The following FCRL1 variants were observed in gnomAD, a reference collection of about 807,000 sequenced individuals.
The protein encoded by FCRL1 is Fc receptor like 1.
A neutral mutation model predicts 49.2 loss-of-function variants in FCRL1; 34 were observed. That is an observed-to-expected ratio of 0.69 (90% confidence interval 0.53 to 0.92). FCRL1 has a LOEUF of 0.92. FCRL1 is among the 40% of genes least tolerant of loss of function. FCRL1 has a pLI of 0.00. For synonymous variants in FCRL1, 218 were observed against 201.6 expected, an observed-to-expected ratio of 1.08 and a Z score of -0.69; for missense variants, 524 against 524.1, an observed-to-expected ratio of 1.00 and a Z score of 0.00.
intron 2 of FCRL1, among the ~76,000 whole-genome samples, chr1:157,804,922 C>T (rs1442870676): frequency 1.3e-5 from 2 of 150,864 alleles, no homozygotes; most frequent in East Asian, 1.9e-4. Context: ...TTCAGTGATG[C>T]GATCTCAGCT....
intron 2 of FCRL1, 144 bp from the exon 3 acceptor site, chr1:157,804,255 C>G (rs945035787): frequency 4.7e-5 from 44 of 934,562 alleles, no homozygotes; most frequent in Middle Eastern, 3.5e-4. Context: ...CACCCCCCCC[C>G]CAGTGGCCCA....
In FCRL1 at chr1:157,799,299, C is replaced by T. The variant is rs117284348; in HGVS notation, c.1031+759G>A. The stretch of plus-strand genomic sequence containing the variant: ...ACAGGTGCGAGCCACTGTGCCCAGC[C>T]GCAATGTGATTTTAATATTCTGCAG... On this transcript the variant is annotated intron_variant, in intron 7 of 10. Coordinates refer to ENST00000368176, the MANE Select transcript of FCRL1 (RefSeq NM_052938.5). Among the ~76,000 whole-genome samples, 23 of 152,194 alleles carry T rather than the reference C, an allele frequency of 1.5e-4. No individual in the cohort carries two copies. The East Asian group carries it at 1.5e-3, about 10-fold the overall frequency.
chr1:157,798,570 T>C (rs1651920708), intron 7 of FCRL1, among the ~76,000 whole-genome samples: 6 of 152,126 alleles, frequency 3.9e-5, no homozygotes, highest in Admixed American at 3.9e-4. Flanking sequence ...GAAAACACTT[T>C]GCTGGGCAGA....
chr1:157,818,184 G>T (rs1222267761), intron 1 of FCRL1, among the ~76,000 whole-genome samples: 1 of 152,066 alleles, frequency 6.6e-6, no homozygotes, highest in Non-Finnish European at 1.5e-5. Flanking sequence ...AAAGCAGTGT[G>T]TTAAAGAGAT....
Position 157,809,819 on chromosome 1 carries a change from G to A in FCRL1, c.32-2697C>T, listed in dbSNP as rs561620207. 3.9e-5 allele frequency among the ~76,000 whole-genome samples: 6 copies of A among 152,236 alleles called. No homozygotes were observed. The South Asian group carries it at 1.2e-3, about 32-fold the overall frequency. ...TGTGTCTCTGGTTCCAGCTACTCAG[G>A]GAGCTGAGGCAGGTGCATCACTTGA... is the stretch of plus-strand genomic sequence containing the variant. On this transcript the variant is annotated intron_variant, in intron 1 of 10. Transcript: ENST00000368176.
chr1:157,808,758 A>G (rs1011283149), intron 1 of FCRL1, among the ~76,000 whole-genome samples: 2 of 152,240 alleles, frequency 1.3e-5, no homozygotes, highest in Non-Finnish European at 2.9e-5. Flanking sequence ...GAGTAAAGAT[A>G]GTGGCTAAGA....
intron 1 of FCRL1, among the ~76,000 whole-genome samples, chr1:157,807,863 G>A (rs1396002283): frequency 6.6e-6 from 1 of 152,164 alleles, no homozygotes; most frequent in African/African-American, 2.4e-5. Flanking sequence ...ACCTCTCTGT[G>A]CTTTAGTTTC....
At chr1:157,807,935 G>A (rs1653727789) in intron 1 of FCRL1, among the ~76,000 whole-genome samples, 1 of 152,156 alleles carries the variant, frequency 6.6e-6, no homozygotes, top group Admixed American at 6.5e-5. Context: ...GAAGATTAAG[G>A]AGCTTAGACT....
chr1:157,798,020 A>G, intron 8 of FCRL1, 81 bp from the exon 9 acceptor site: 2 of 1,531,356 alleles, frequency 1.3e-6, no homozygotes, highest in Non-Finnish European at 1.8e-6. Context: ...CACCTGTCAC[A>G]GCCATGAAGA....
At chr1:157,818,732 G>T (rs1387361669) in intron 1 of FCRL1, among the ~76,000 whole-genome samples, 3 of 152,114 alleles carry the variant, frequency 2.0e-5, no homozygotes. Flanking sequence ...TTCTGAAATT[G>T]ATTGTGGTGA....
intron 1 of FCRL1, among the ~76,000 whole-genome samples, chr1:157,812,258 G>A (rs906192235): frequency 6.6e-6 from 1 of 152,166 alleles, no homozygotes; most frequent in Non-Finnish European, 1.5e-5. Flanking sequence ...TCCTTGGTGT[G>A]ATGGTGTGAT....
chr1:157,800,769 A>G (rs1652312691), intron 6 of FCRL1, among the ~76,000 whole-genome samples: 1 of 152,204 alleles, frequency 6.6e-6, no homozygotes, highest in Non-Finnish European at 1.5e-5. Flanking sequence ...AAGAAAAAGC[A>G]TGTCACAATA....
chr1:157,800,103 G>A lies in FCRL1; in HGVS notation c.1004-18C>T, dbSNP rs375143621. The A allele has an allele frequency of 9.9e-6, 16 of 1,612,354 alleles. No individual in the cohort carries two copies. Among genetic ancestry groups the A allele is most frequent in the Non-Finnish European group, 1.3e-5 (15 of 1,178,950 alleles). On this transcript the variant is annotated intron_variant, in intron 6 of 10. Transcript: ENST00000368176. ...ACGTCTTCCTGAAAGAAAAACAAAT[G>A]AGCATACACATAAATGGAAGAACCC...
intron 1 of FCRL1, among the ~76,000 whole-genome samples, chr1:157,816,784 A>AATAGATAGATAG (rs3033729): frequency 2.4e-3 from 347 of 147,464 alleles, no homozygotes; most frequent in East Asian, 3.0e-3. Context: ...GTTGCTGGAT[A>AATAGATAGATAG]ATAGATAGAT....
intron 5 of FCRL1, 22 bp from the exon 6 acceptor site, chr1:157,801,599 T>C (rs1311471788): frequency 6.5e-7 from 1 of 1,534,424 alleles, no homozygotes; most frequent in Non-Finnish European, 9.0e-7. Flanking sequence ...GACCTGTGCA[T>C]GATCTGCTCA....
intron 1 of FCRL1, among the ~76,000 whole-genome samples, chr1:157,809,039 A>T (rs1254843185): frequency 6.6e-6 from 1 of 152,206 alleles, no homozygotes; most frequent in Non-Finnish European, 1.5e-5. Context: ...GATGCCTGTT[A>T]AACACCTGAT....
intron 1 of FCRL1, among the ~76,000 whole-genome samples, chr1:157,812,777 TG>T (rs1654502786): frequency 6.6e-6 from 1 of 152,168 alleles, no homozygotes; most frequent in South Asian, 2.1e-4. Flanking sequence ...CTCAAGCATC[TG>T]TGCCCTGGAA....
chr1:157,795,946 T>C lies in FCRL1; in HGVS notation c.*153A>G. The C allele has an allele frequency of 1.5e-6, 1 of 666,696 alleles. No homozygotes were observed. The highest frequency in any genetic ancestry group is 1.9e-5 in the South Asian group (1 of 51,470). 41.3% of individuals were successfully genotyped at this position (666,696 alleles called of 1,614,324 possible). A position where few individuals can be genotyped will look rare whatever the true frequency, so the allele number is the denominator to read the frequency against. Reference sequence around the variant, plus strand: ...GTAGTTTCTTCAGGGCTGCGCCAACTTCACTTCACAGTAGATGAAGGAATA... The same window carrying C: ...GTAGTTTCTTCAGGGCTGCGCCAACCTCACTTCACAGTAGATGAAGGAATA... On this transcript the variant is annotated 3_prime_UTR_variant, in exon 11 of 11. Coordinates refer to ENST00000368176, the MANE Select transcript of FCRL1 (RefSeq NM_052938.5).
Position 157,801,594 on chromosome 1 carries a change from G to A in FCRL1, c.887-17C>T, listed in dbSNP as rs1227640855. 1.3e-6 allele frequency: 2 copies of A among 1,548,870 alleles called. No homozygotes were observed. The highest frequency in any genetic ancestry group is 2.2e-5 in the East Asian group (1 of 44,560). ...CAGTAGGCACTAGAGGGAGAGACCT[G>A]TGCATGATCTGCTCAGAGGAAGGGC... On this transcript the variant is annotated splice_polypyrimidine_tract_variant and intron_variant, in intron 5 of 10. Transcript: ENST00000368176.
Sources: gnomAD v4.1 joint callset for allele counts (sites outside exome capture counted in the v4.1 genomes callset) on GRCh38, gnomAD v4.1.1 for gene constraint, MANE v1.5 for transcripts, NCBI Gene and HGNC (gene_info 2026-07-23, HGNC 2026-07-21) for gene names.